Variants in EYS observed in about 807,000 individuals in gnomAD.
The protein encoded by EYS is EGF-like photoreceptor maintenance factor.
In EYS, 250 loss-of-function variants were observed where a neutral mutation model predicts 282.1. That is an observed-to-expected ratio of 0.89 (90% CI 0.80 to 0.98). The LOEUF is 0.98. EYS is among the 50% of genes least tolerant of loss of function. The pLI, the probability that EYS is intolerant of heterozygous loss-of-function variation, is 0.00. For missense variants in EYS, 4,016 were observed against 3,709.0 expected (o/e 1.08, Z -2.15); for synonymous variants, 1,355 against 1,282.9 (o/e 1.06, Z -1.20).
At chr6:64,809,395 T>C (rs1162045364) in intron 22 of EYS, among the ~76,000 whole-genome samples, 2 of 151,866 alleles carry the variant, frequency 1.3e-5, no homozygotes, top group African/African-American at 4.8e-5. Flanking sequence ...TAAGGCACAT[T>C]GAAAAGTAAA....
At chr6:64,356,954 C>G (rs978728496) in intron 29 of EYS, among the ~76,000 whole-genome samples, 1 of 151,430 alleles carries the variant, frequency 6.6e-6, no homozygotes, top group Non-Finnish European at 1.5e-5. Context: ...TAAATCCAAG[C>G]CCTAAAGACA....
At chr6:64,584,787 A>G (rs1432545768) in intron 26 of EYS, among the ~76,000 whole-genome samples, 2 of 152,142 alleles carry the variant, frequency 1.3e-5, no homozygotes, top group Admixed American at 1.3e-4. Context: ...ATGGCTGCAT[A>G]TATTTTCTTT....
chr6:64,327,822 G>A (rs1044114863), intron 29 of EYS, among the ~76,000 whole-genome samples: 11 of 152,140 alleles, frequency 7.2e-5, no homozygotes, highest in African/African-American at 2.7e-4. Context: ...CCCTGGCAAG[G>A]CTTAGACAGG....
chr6:64,655,750 T>A (rs1931853), intron 22 of EYS, among the ~76,000 whole-genome samples: 97,123 of 151,750 alleles, frequency 0.64, 31,308 homozygotes, highest in African/African-American at 0.71. Context: ...TCAAATAAAT[T>A]GGCTTATTGG....
intron 26 of EYS, among the ~76,000 whole-genome samples, chr6:64,572,543 A>G (rs186507617): frequency 1.3e-5 from 2 of 152,308 alleles, no homozygotes; most frequent in African/African-American, 2.4e-5. Context: ...CTCAGCCCAA[A>G]ATCTCCTTAA....
At chr6:64,464,247 A>T (rs145027712) in intron 26 of EYS, among the ~76,000 whole-genome samples, 143 of 152,302 alleles carry the variant, frequency 9.4e-4, no homozygotes, top group African/African-American at 3.2e-3. Flanking sequence ...AAGACTCAAC[A>T]TTCCTTCGTG....
At chr6:63,818,649 C>A (rs901786269) in intron 36 of EYS, among the ~76,000 whole-genome samples, 1 of 152,190 alleles carries the variant, frequency 6.6e-6, no homozygotes, top group Non-Finnish European at 1.5e-5. Flanking sequence ...GGAGGCTAGT[C>A]ATTTCCCTGG....
At chr6:65,386,118 A>T (rs9354235) in intron 7 of EYS, among the ~76,000 whole-genome samples, 2 of 151,192 alleles carry the variant, frequency 1.3e-5, no homozygotes, top group South Asian at 4.2e-4. Flanking sequence ...AATGGTGTTG[A>T]ATGAACACTG....
chr6:64,093,147 G>T (rs1772436096), intron 31 of EYS, among the ~76,000 whole-genome samples: 1 of 151,972 alleles, frequency 6.6e-6, no homozygotes, highest in Non-Finnish European at 1.5e-5. Context: ...TGCTGTTTTG[G>T]TTACTGTAGC....
intron 1 of EYS, among the ~76,000 whole-genome samples, chr6:65,661,514 AC>A (rs1317870952): frequency 6.6e-6 from 1 of 152,056 alleles, no homozygotes; most frequent in East Asian, 1.9e-4. Context: ...AATAATAAAC[AC>A]ATAAGGTCAC....
chr6:63,814,666 A>G (rs1771132892), intron 36 of EYS, among the ~76,000 whole-genome samples: 1 of 152,220 alleles, frequency 6.6e-6, no homozygotes, highest in South Asian at 2.1e-4. Flanking sequence ...ATTCTTAGAA[A>G]TTAGTGCCAT....
chr6:65,350,055 T>C (rs569729130), intron 9 of EYS, among the ~76,000 whole-genome samples: 1 of 151,504 alleles, frequency 6.6e-6, no homozygotes, highest in Non-Finnish European at 1.5e-5. Flanking sequence ...GAGAATTCTC[T>C]TTCAAGGCAT....
chr6:65,407,887 G>A (rs1043782691), intron 5 of EYS, among the ~76,000 whole-genome samples: 3 of 151,818 alleles, frequency 2.0e-5, no homozygotes, highest in Admixed American at 1.3e-4. Flanking sequence ...AAGAAAAGCT[G>A]TCAGCCTGAC....
intron 31 of EYS, among the ~76,000 whole-genome samples, chr6:64,190,569 T>G (rs1765072634): frequency 6.6e-6 from 1 of 152,228 alleles, no homozygotes; most frequent in South Asian, 2.1e-4. Context: ...TTAAAATTTC[T>G]GAGGTAAAAC....
At chr6:63,765,590 ACAT>A (rs1371305442) in intron 40 of EYS, among the ~76,000 whole-genome samples, 1 of 151,968 alleles carries the variant, frequency 6.6e-6, no homozygotes, top group Non-Finnish European at 1.5e-5. Flanking sequence ...TGTGATGATC[ACAT>A]CATGGAAAAT....
chr6:65,265,572 AGT>A (rs1364531987), intron 12 of EYS, among the ~76,000 whole-genome samples: 1 of 152,072 alleles, frequency 6.6e-6, no homozygotes, highest in Admixed American at 6.6e-5. Flanking sequence ...ATGTGTATAG[AGT>A]ATTGTTTAAA....
chr6:65,627,926 G>C (rs1291888939), intron 2 of EYS, among the ~76,000 whole-genome samples: 2 of 152,242 alleles, frequency 1.3e-5, no homozygotes, highest in African/African-American at 4.8e-5. Context: ...TGAGGAATGC[G>C]AGCGCACGGC....
At chr6:63,885,150 C>T (rs1051481993) in intron 35 of EYS, among the ~76,000 whole-genome samples, 5 of 152,096 alleles carry the variant, frequency 3.3e-5, no homozygotes, top group Admixed American at 3.3e-4. Context: ...TTAAGCTTTT[C>T]ATGGAGTGCA....
chr6:64,122,117 G>A (rs939519153), intron 31 of EYS, among the ~76,000 whole-genome samples: 1 of 151,960 alleles, frequency 6.6e-6, no homozygotes, highest in Non-Finnish European at 1.5e-5. Context: ...AACATGCACA[G>A]TTTAACCTTG....
Sources: gnomAD v4.1 joint callset for allele counts (sites outside exome capture counted in the v4.1 genomes callset) on GRCh38, gnomAD v4.1.1 for gene constraint, MANE v1.5 for transcripts, NCBI Gene and HGNC (gene_info 2026-07-23, HGNC 2026-07-21) for gene names.